ANO2: variants seen among roughly 807,000 people sequenced by gnomAD.
ANO2 encodes the protein anoctamin 2.
In ANO2, 101 loss-of-function variants were observed where a neutral mutation model predicts 124.2. The observed-to-expected ratio is 0.81, with a 90% CI of 0.69 to 0.96. The LOEUF is 0.96. Ranked by LOEUF, ANO2 falls within the 40% of genes least tolerant of loss-of-function variation. The pLI, the probability that ANO2 is intolerant of heterozygous loss-of-function variation, is 0.00. For missense variants in ANO2, 1,293 were observed against 1,274.5 expected, an observed-to-expected ratio of 1.01 and a Z score of -0.22; for synonymous variants, 486 against 482.5, an observed-to-expected ratio of 1.01 and a Z score of -0.09.
chr12:5,791,721 A>G (rs1444888850), intron 10 of ANO2, among the ~76,000 whole-genome samples: 1 of 152,210 alleles, frequency 6.6e-6, no homozygotes, highest in Non-Finnish European at 1.5e-5. Flanking sequence ...TGAAATGAAG[A>G]TAAGAATACC....
intron 3 of ANO2, among the ~76,000 whole-genome samples, chr12:5,877,556 A>T (rs889614007): frequency 6.6e-6 from 1 of 152,216 alleles, no homozygotes; most frequent in East Asian, 1.9e-4. Flanking sequence ...TCCCCAGCCA[A>T]CCATTACCAA....
At chr12:5,815,463 G>A (rs1209698451) in intron 7 of ANO2, among the ~76,000 whole-genome samples, 1 of 152,096 alleles carries the variant, frequency 6.6e-6, no homozygotes, top group Middle Eastern at 3.2e-3. Flanking sequence ...TTTATGTGGA[G>A]AATATATGTA....
chr12:5,673,223 T>A (rs1948091091), intron 14 of ANO2, among the ~76,000 whole-genome samples: 1 of 152,230 alleles, frequency 6.6e-6, no homozygotes, highest in Non-Finnish European at 1.5e-5. Flanking sequence ...CATGCTAGTT[T>A]TGTGGACAAG....
In ANO2 at chr12:5,926,891, G is replaced by T. The variant is rs902189239; in HGVS notation, c.23-4087C>A. Among the ~76,000 whole-genome samples the T allele has an allele frequency of 1.4e-4, 22 of 152,316 alleles. No homozygotes were observed. The East Asian group carries it at 4.2e-3, about 29-fold the overall frequency. Reference sequence around the variant, plus strand: ...CTCTGAGCTTAGTTTTTACTTCGGTGATTTGGGAGAAGGTGTCATTATTAT... The same window carrying T: ...CTCTGAGCTTAGTTTTTACTTCGGTTATTTGGGAGAAGGTGTCATTATTAT... On this transcript the variant is annotated intron_variant, in intron 1 of 24. Transcript: ENST00000682330.
At chr12:5,845,296 T>G (rs542313285) in intron 4 of ANO2, among the ~76,000 whole-genome samples, 1 of 150,362 alleles carries the variant, frequency 6.7e-6, no homozygotes, top group African/African-American at 2.5e-5. Context: ...GGCCTGGCAC[T>G]GTGGCTCACG....
chr12:5,578,613 G>A, intron 20 of ANO2, 95 bp from the exon 21 acceptor site: 1 of 1,329,848 alleles, frequency 7.5e-7, no homozygotes, highest in Non-Finnish European at 1.0e-6. Context: ...TTTCTGCCTT[G>A]GGTATCTTTC....
chr12:5,932,686 G>C (rs140885812), intron 1 of ANO2, among the ~76,000 whole-genome samples: 82 of 151,936 alleles, frequency 5.4e-4, no homozygotes, highest in African/African-American at 2.0e-3. Context: ...GACGAGTAAG[G>C]AAGGAAGGTA....
intron 3 of ANO2, among the ~76,000 whole-genome samples, chr12:5,918,735 A>G (rs1173406196): frequency 6.6e-6 from 1 of 152,134 alleles, no homozygotes; most frequent in African/African-American, 2.4e-5. Context: ...CACCACACCC[A>G]GCCAACTTAA....
intron 11 of ANO2, among the ~76,000 whole-genome samples, chr12:5,748,623 G>A (rs1392417155): frequency 6.6e-6 from 1 of 152,114 alleles, no homozygotes; most frequent in Non-Finnish European, 1.5e-5. Flanking sequence ...TTTACGGCGT[G>A]TATAACATTG....
intron 20 of ANO2, among the ~76,000 whole-genome samples, chr12:5,595,186 G>A (rs1328461023): frequency 2.6e-5 from 4 of 151,968 alleles, no homozygotes; most frequent in Non-Finnish European, 4.4e-5. Flanking sequence ...CAGACATACC[G>A]AGTGTTTGAG....
chr12:5,788,406 C>T (rs1314704879), intron 10 of ANO2, among the ~76,000 whole-genome samples: 1 of 152,164 alleles, frequency 6.6e-6, no homozygotes, highest in African/African-American at 2.4e-5. Context: ...AAAAGTGTCC[C>T]CAGTAGGATG....
chr12:5,935,934 A>G (rs1313652485), intron 1 of ANO2, among the ~76,000 whole-genome samples: 1 of 152,234 alleles, frequency 6.6e-6, no homozygotes, highest in Non-Finnish European at 1.5e-5. Context: ...AGATCTTGAA[A>G]TATTAGAAGA....
chr12:5,826,048 T>G (rs189110063), intron 7 of ANO2, among the ~76,000 whole-genome samples: 1 of 152,266 alleles, frequency 6.6e-6, no homozygotes, highest in African/African-American at 2.4e-5. Context: ...TGTGCATGTA[T>G]ACACTTGCAC....
chr12:5,828,445 C>T (rs908358689), intron 6 of ANO2, among the ~76,000 whole-genome samples: 1 of 152,248 alleles, frequency 6.6e-6, no homozygotes, highest in African/African-American at 2.4e-5. Context: ...CAGGAAAGTG[C>T]TCTGCAACAG....
intron 3 of ANO2, among the ~76,000 whole-genome samples, chr12:5,906,600 T>G (rs1280495825): frequency 6.6e-6 from 1 of 151,916 alleles, no homozygotes; most frequent in African/African-American, 2.4e-5. Flanking sequence ...ATTGAGACCA[T>G]CCTGGCCAAC....
chr12:5,640,936 G>A (rs1946346310), intron 15 of ANO2, among the ~76,000 whole-genome samples: 2 of 152,148 alleles, frequency 1.3e-5, no homozygotes, highest in Non-Finnish European at 2.9e-5. Context: ...TATGTTTATT[G>A]CAGCACTATT....
intron 3 of ANO2, among the ~76,000 whole-genome samples, chr12:5,912,905 G>C (rs1165280433): frequency 6.6e-6 from 1 of 152,200 alleles, no homozygotes; most frequent in African/African-American, 2.4e-5. Flanking sequence ...ATAAACAGTA[G>C]AGACGAGGGC....
At chr12:5,691,842 C>T (rs900426908) in intron 14 of ANO2, among the ~76,000 whole-genome samples, 9 of 151,520 alleles carry the variant, frequency 5.9e-5, no homozygotes, top group Non-Finnish European at 1.2e-4. Context: ...GCAGAGCCTG[C>T]GGTGGGCCGA....
At chr12:5,852,458 T>C (rs1355869922) in intron 4 of ANO2, among the ~76,000 whole-genome samples, 1 of 152,192 alleles carries the variant, frequency 6.6e-6, no homozygotes, top group East Asian at 1.9e-4. Flanking sequence ...TAATAAGCAT[T>C]TGTCCACCTG....
Sources: allele counts gnomAD v4.1 joint callset (sites outside exome capture counted in the v4.1 genomes callset), GRCh38; gene constraint gnomAD v4.1.1; transcripts MANE v1.5; gene names NCBI Gene and HGNC (gene_info 2026-07-23, HGNC 2026-07-21).